PIR: variants seen among roughly 807,000 people sequenced by gnomAD.
PIR encodes the protein pirin.
PIR carries 22 observed loss-of-function variants against 24.2 expected under a neutral mutation model. That is an observed-to-expected ratio of 0.91 (90% CI 0.65 to 1.30). The LOEUF is 1.30. Ranked by LOEUF, PIR falls within the 50% of genes most tolerant of loss-of-function variation. The pLI is 0.00. For missense variants in PIR, 220 were observed against 220.3 expected (o/e 1.00, Z 0.01); for synonymous variants, 80 against 79.6 (o/e 1.00, Z -0.03).
intron 6 of PIR, among the ~76,000 whole-genome samples, chrX:15,424,068 G>T: frequency 8.9e-6 from 1 of 112,159 alleles, no homozygotes; most frequent in Non-Finnish European, 1.9e-5. Context: ...CAACTACTGG[G>T]TACCTATTTA....
intron 2 of PIR, among the ~76,000 whole-genome samples, chrX:15,483,796 C>CTA (rs1922640577): frequency 1.8e-5 from 2 of 112,345 alleles, no homozygotes; most frequent in African/African-American, 6.5e-5. Flanking sequence ...GCCCAAAGCA[C>CTA]TGTAGGTTCT....
chrX:15,426,072 C>A, intron 5 of PIR, 82 bp from the exon 6 acceptor site: 1 of 590,882 alleles, frequency 1.7e-6, no homozygotes, highest in Non-Finnish European at 2.9e-6. Context: ...CTGTAATAGG[C>A]CTGGACCTGG....
intron 5 of PIR, among the ~76,000 whole-genome samples, chrX:15,443,294 G>GA (rs36085881): frequency 6.4e-5 from 7 of 109,513 alleles, no homozygotes; most frequent in African/African-American, 2.0e-4. Context: ...CTACTATTCA[G>GA]AAAAAAAAAT....
chrX:15,396,466 T>C (rs1464037197), intron 8 of PIR, among the ~76,000 whole-genome samples: 2 of 111,912 alleles, frequency 1.8e-5, no homozygotes, highest in Non-Finnish European at 3.8e-5. Flanking sequence ...TAAAATAGTT[T>C]TCAAAGTTTG....
intron 2 of PIR, among the ~76,000 whole-genome samples, chrX:15,490,917 G>A (rs763824253): frequency 2.7e-5 from 3 of 112,430 alleles, no homozygotes; most frequent in African/African-American, 9.7e-5. Context: ...CCAGTGTGCA[G>A]AGAGAAGCAG....
At chrX:15,387,835 A>G (rs1411505007) in intron 9 of PIR, among the ~76,000 whole-genome samples, 4 of 111,712 alleles carry the variant, frequency 3.6e-5, no homozygotes, top group African/African-American at 1.3e-4. Flanking sequence ...TAACGTGCAC[A>G]TGAATCAGCT....
chrX:15,444,999 G>A (rs1222926368), intron 5 of PIR, among the ~76,000 whole-genome samples: 1 of 111,139 alleles, frequency 9.0e-6, no homozygotes, highest in East Asian at 2.9e-4. Context: ...AGATGGTGCA[G>A]AAACAGTGTC....
intron 5 of PIR, among the ~76,000 whole-genome samples, chrX:15,428,857 G>T (rs978886367): frequency 9.0e-6 from 1 of 111,539 alleles, no homozygotes; most frequent in Non-Finnish European, 1.9e-5. Flanking sequence ...TCTTCTTCTG[G>T]GTTAATTCGC....
rs200265489 is a variant in PIR at position 15,385,030 on chromosome X, T to A, written c.847A>T (p.Thr283Ser). The A allele has an allele frequency of 1.1e-5, 13 of 1,167,587 alleles. No homozygotes were observed. The highest frequency in any genetic ancestry group is 1.5e-5 in the Non-Finnish European group (13 of 857,183). Reference protein sequence around the residue: ...NAKNGFERAKTWKSKIGN With the variant: ...NAKNGFERAKSWKSKIGN ...TAGTTCCCAATCTTTGATTTCCAGG[T>A]TTTGGCCCTTTCAAACCCATTTTTT... The change falls in exon 10 of 10, where the codon ACC becomes TCC. Residue 283 changes from threonine to serine, a missense_variant. Thr to Ser is a moderately conservative substitution (Grantham distance 58). Coordinates refer to ENST00000380420, the MANE Select transcript of PIR (RefSeq NM_001018109.3).
intron 5 of PIR, among the ~76,000 whole-genome samples, chrX:15,426,349 T>C (rs1299765024): frequency 8.9e-6 from 1 of 112,191 alleles, no homozygotes; most frequent in African/African-American, 3.2e-5. Flanking sequence ...ACCAAATGTA[T>C]GTTTCTTCCC....
chrX:15,430,112 A>G (rs1452307613), intron 5 of PIR, among the ~76,000 whole-genome samples: 1 of 112,271 alleles, frequency 8.9e-6, no homozygotes, highest in Non-Finnish European at 1.9e-5. Context: ...TATTTCCACA[A>G]GAGTCAAACA....
At chrX:15,472,001 T>C (rs1484380036) in intron 3 of PIR, among the ~76,000 whole-genome samples, 2 of 111,376 alleles carry the variant, frequency 1.8e-5, no homozygotes, top group Non-Finnish European at 3.8e-5. Flanking sequence ...CACAATGGCA[T>C]ATATTATTAG....
chrX:15,417,914 T>C (rs1924979340), intron 6 of PIR, among the ~76,000 whole-genome samples: 1 of 111,715 alleles, frequency 9.0e-6, no homozygotes, highest in African/African-American at 3.3e-5. Context: ...CTCAGCAGCA[T>C]TAACTTAGTC....
intron 3 of PIR, among the ~76,000 whole-genome samples, chrX:15,464,823 G>C (rs909170379): frequency 8.0e-5 from 9 of 112,217 alleles, no homozygotes; most frequent in African/African-American, 2.9e-4. Flanking sequence ...TCTCCATTCT[G>C]TTTGGGCTGA....
intron 4 of PIR, among the ~76,000 whole-genome samples, chrX:15,457,713 C>T (rs1032658491): frequency 8.9e-6 from 1 of 112,101 alleles, no homozygotes; most frequent in Non-Finnish European, 1.9e-5. Flanking sequence ...GAGGCCAGTG[C>T]ATACTTTAAA....
intron 8 of PIR, among the ~76,000 whole-genome samples, chrX:15,396,805 A>T (rs1924161951): frequency 9.2e-6 from 1 of 109,147 alleles, no homozygotes; most frequent in South Asian, 4.1e-4. Context: ...CAGTGGCGCA[A>T]TCTCGGCTCA....
chrX:15,446,688 C>A (rs1437537774), intron 5 of PIR, among the ~76,000 whole-genome samples: 4 of 111,208 alleles, frequency 3.6e-5, no homozygotes, highest in Non-Finnish European at 7.5e-5. Flanking sequence ...TTCCCATTAG[C>A]CTGCCATGAT....
In PIR at chrX:15,395,503, A is replaced by G. The variant is rs911745358; in HGVS notation, c.693+1946T>C. Among the ~76,000 whole-genome samples, 5 of 112,235 alleles carry G rather than the reference A, an allele frequency of 4.5e-5. No homozygotes were observed. The East Asian group carries it at 1.1e-3, about 25-fold the overall frequency. On this transcript the variant is annotated intron_variant, in intron 8 of 9. Transcript: ENST00000380420. ...TATGAAAAAGGTTTGGATTTGGCCT[A>G]TTGGACATAATTTACTGACCCCCAT...
chrX:15,440,210 T>C (rs924981653), intron 5 of PIR, among the ~76,000 whole-genome samples: 5 of 111,994 alleles, frequency 4.5e-5, no homozygotes, highest in Non-Finnish European at 9.4e-5. Flanking sequence ...TATTTAGATA[T>C]ATGGGTGTCC....
Sources: gnomAD v4.1 joint callset for allele counts (sites outside exome capture counted in the v4.1 genomes callset) on GRCh38, gnomAD v4.1.1 for gene constraint, MANE v1.5 for transcripts, NCBI Gene and HGNC (gene_info 2026-07-23, HGNC 2026-07-21) for gene names.